The following DOCK8 variants were observed in gnomAD, a reference collection of about 807,000 sequenced individuals.
DOCK8 encodes the protein dedicator of cytokinesis 8, also known as dedicator of cytokinesis protein 8.
In DOCK8, 141 loss-of-function variants were observed where a neutral mutation model predicts 245.6. The observed-to-expected ratio is 0.57, with a 90% CI of 0.50 to 0.66. The LOEUF (loss-of-function observed/expected upper bound fraction) is 0.66. Ranked by LOEUF, DOCK8 falls within the 30% of genes least tolerant of loss-of-function variation. The pLI, the probability that DOCK8 is intolerant of heterozygous loss-of-function variation, is 0.00. For missense variants in DOCK8, 2,965 were observed against 2,603.4 expected, an observed-to-expected ratio of 1.14 and a Z score of -3.02; for synonymous variants, 1,168 against 970.2, an observed-to-expected ratio of 1.20 and a Z score of -3.79.
chr9:230,301 CGTT>C (rs34876700), intron 1 of DOCK8, among the ~76,000 whole-genome samples: 19 of 151,306 alleles, frequency 1.3e-4, no homozygotes, highest in South Asian at 6.2e-4. Context: ...TCCAGTCTAT[CGTT>C]GGGCATTTGG....
At chr9:314,696 T>G (rs1230586602) in intron 6 of DOCK8, among the ~76,000 whole-genome samples, 1 of 152,208 alleles carries the variant, frequency 6.6e-6, no homozygotes, top group Non-Finnish European at 1.5e-5. Flanking sequence ...AGAAATTGCA[T>G]TTGTATTTAT....
intron 14 of DOCK8, among the ~76,000 whole-genome samples, chr9:367,811 CAG>C (rs1468308601): frequency 6.6e-6 from 1 of 152,108 alleles, no homozygotes; most frequent in Admixed American, 6.5e-5. Flanking sequence ...TGTAGCAAAA[CAG>C]AGAGCGATGG....
chr9:277,690 G>A (rs2048414844), intron 2 of DOCK8, among the ~76,000 whole-genome samples: 1 of 152,068 alleles, frequency 6.6e-6, no homozygotes, highest in Admixed American at 6.5e-5. Flanking sequence ...ATTTTTAAAA[G>A]TGAGAATAGA....
chr9:464,265 A>T lies in DOCK8; in HGVS notation c.*46A>T, dbSNP rs1222119600. 6.5e-7 allele frequency: 1 copy of T among 1,529,614 alleles called. No homozygotes were observed. The highest frequency in any genetic ancestry group is 1.7e-5 in the Admixed American group (1 of 59,902). The allele number at this position is 1,529,614 out of a possible 1,614,324, so 94.8% of individuals were successfully genotyped here. ...GGAGACTGTGGCCCTGCAACCCTGG[A>T]GAAGGACTTGCTGGTACTTAAAAAA... On this transcript the variant is annotated 3_prime_UTR_variant, in exon 48 of 48. Transcript: ENST00000432829.
At chr9:213,466 G>C (rs1157040354), upstream of DOCK8, 1 of 152,078 alleles carries the variant, frequency 6.6e-6, no homozygotes, top group African/African-American at 2.4e-5. Context: ...ATTTTTAAAA[G>C]GGGAAAACAA....
At chr9:242,797 A>C (rs16921804) in intron 1 of DOCK8, among the ~76,000 whole-genome samples, 4,556 of 149,852 alleles carry the variant, frequency 0.03, 207 homozygotes, top group African/African-American at 0.11. Context: ...CTTCCACGGA[A>C]TCTGTTGAGC....
At chr9:302,473 T>C (rs2049597623) in intron 4 of DOCK8, among the ~76,000 whole-genome samples, 1 of 152,134 alleles carries the variant, frequency 6.6e-6, no homozygotes, top group Non-Finnish European at 1.5e-5. Flanking sequence ...CCAAAAGCAA[T>C]GGTAACAAAA....
At chr9:371,149 A>C (rs1166855726) in intron 16 of DOCK8, among the ~76,000 whole-genome samples, 2 of 152,008 alleles carry the variant, frequency 1.3e-5, no homozygotes, top group African/African-American at 4.8e-5. Context: ...AAGTTGTTGG[A>C]GTTTTCCATT....
chr9:440,427 TC>T (rs2057058209), intron 40 of DOCK8, among the ~76,000 whole-genome samples: 1 of 152,266 alleles, frequency 6.6e-6, no homozygotes, highest in African/African-American at 2.4e-5. Context: ...TATACTATAC[TC>T]ATCCTTATTT....
At position 222,648 on chromosome 9, in the gene DOCK8, G is replaced by T. The variant is rs150021664; in HGVS notation, c.53+7619G>T. 6.6e-5 allele frequency among the ~76,000 whole-genome samples: 10 copies of T among 152,234 alleles called. No homozygotes were observed. In the East Asian group the frequency reaches 1.9e-3, roughly 29 times the overall value. ...GAGTGAACTCTGAAGTCATTCTTTA[G>T]GGATTAAAATAGTCATGCATTTCTC... On this transcript the variant is annotated intron_variant, in intron 1 of 47. Coordinates refer to ENST00000432829, the MANE Select transcript of DOCK8 (RefSeq NM_203447.4).
intron 7 of DOCK8, among the ~76,000 whole-genome samples, chr9:324,339 A>T (rs2050658811): frequency 6.6e-6 from 1 of 152,214 alleles, no homozygotes; most frequent in African/African-American, 2.4e-5. Flanking sequence ...GAGACAAAAC[A>T]TGACTTTATT....
chr9:345,012 A>T (rs942641355), intron 14 of DOCK8, among the ~76,000 whole-genome samples: 3 of 152,152 alleles, frequency 2.0e-5, no homozygotes, highest in Non-Finnish European at 4.4e-5. Flanking sequence ...AGATCCTGCC[A>T]TTGCACTCCA....
rs2054601467 is a variant in DOCK8, at chr9:399,009, C to T, written c.3121-137C>T. ...ATGGCTTTAGTTAAAGGAGACTCAA[C>T]TACTTCGCCCAGTGCCACCCAGAAG... is the stretch of plus-strand genomic sequence containing the variant. On this transcript the variant is annotated intron_variant, in intron 25 of 47. Transcript: ENST00000432829. 2.0e-5 allele frequency: 15 copies of T among 746,706 alleles called. No individual in the cohort carries two copies. The East Asian group carries it at 4.0e-4, about 20-fold the overall frequency. 46.3% of individuals were successfully genotyped at this position (746,706 alleles called of 1,614,324 possible).
chr9:367,271 A>C (rs141889690), intron 14 of DOCK8, among the ~76,000 whole-genome samples: 1 of 152,210 alleles, frequency 6.6e-6, no homozygotes, highest in East Asian at 1.9e-4. Context: ...CCTTCATTCA[A>C]CAAACACTTA....
rs549338392 is a variant in DOCK8, at chr9:247,727, C to T, written c.54-23900C>T. On this transcript the variant is annotated intron_variant, in intron 1 of 47. Coordinates refer to ENST00000432829, the MANE Select transcript of DOCK8 (RefSeq NM_203447.4). Reference sequence around the variant, plus strand: ...TTTTTGTATTTTTTTTTAGTAGAGACGGGGTTTCATCGTGTTAGCCAGGAT... The same window carrying T: ...TTTTTGTATTTTTTTTTAGTAGAGATGGGGTTTCATCGTGTTAGCCAGGAT... Among the ~76,000 whole-genome samples, 54 of 151,896 alleles carry T rather than the reference C, an allele frequency of 3.6e-4. No homozygotes were observed. In the East Asian group the frequency reaches 0.01, roughly 28 times the overall value.
In DOCK8 at chr9:386,355, A is replaced by T. The variant is rs779055389; in HGVS notation, c.2803A>T (p.Met935Leu). 1 of 1,613,942 alleles carries T rather than the reference A, an allele frequency of 6.2e-7. No homozygotes were observed. The highest frequency in any genetic ancestry group is 1.7e-5 in the Admixed American group (1 of 60,022). ...GATCGCCGATCGCAACTGCAGCCGA[A>T]TGTCTTACTATTGCTCTGGCAGTAG... The part of the protein sequence containing the change: ...SKIADRNCSR[M>L]SYYCSGSSDA... Residue 935 changes from methionine (M) to leucine (L), a missense_variant, in exon 23 of 48, where the codon ATG becomes TTG. By Grantham distance (15) the Met-to-Leu change is conservative (BLOSUM62 2). Transcript: ENST00000432829.
Position 426,177 on chromosome 9 carries a change from A to G in DOCK8, c.4242-708A>G, listed in dbSNP as rs949910717. ...AAGAATGGATGGGCTAGCAAAAAAA[A>G]CCATTCTGATTCCTTAAAGTGAAAC... On this transcript the variant is annotated intron_variant, in intron 33 of 47. Transcript: ENST00000432829. 5.9e-5 allele frequency among the ~76,000 whole-genome samples: 9 copies of G among 152,270 alleles called. No homozygotes were observed. The South Asian group carries it at 1.7e-3, about 28-fold the overall frequency.
At chr9:335,092 A>G (rs990293376) in intron 11 of DOCK8, among the ~76,000 whole-genome samples, 20 of 152,336 alleles carry the variant, frequency 1.3e-4, no homozygotes, top group African/African-American at 4.1e-4. Context: ...AAAAAAAAAG[A>G]AAAAAGAGAA....
intron 2 of DOCK8, among the ~76,000 whole-genome samples, chr9:286,179 T>G (rs2130285581): frequency 6.6e-6 from 1 of 152,298 alleles, no homozygotes; most frequent in Middle Eastern, 3.4e-3. Context: ...ATTTTGGATC[T>G]CCTCAGGATT....
Sources: allele counts gnomAD v4.1 joint callset (sites outside exome capture counted in the v4.1 genomes callset), GRCh38; gene constraint gnomAD v4.1.1; transcripts MANE v1.5; gene names NCBI Gene and HGNC (gene_info 2026-07-23, HGNC 2026-07-21).